AGBL3: variants seen among roughly 807,000 people sequenced by gnomAD.
AGBL3 encodes cytosolic carboxypeptidase 3.
A neutral mutation model predicts 94.5 loss-of-function variants in AGBL3; 68 were observed. That is an observed-to-expected ratio of 0.72 (90% confidence interval 0.59 to 0.88). AGBL3 has a LOEUF of 0.88. AGBL3 is among the 40% of genes least tolerant of loss of function. The pLI, the probability that AGBL3 is intolerant of heterozygous loss-of-function variation, is 0.00. For missense variants in AGBL3, 934 were observed against 1,103.8 expected, an observed-to-expected ratio of 0.85 and a Z score of 2.18; for synonymous variants, 354 against 370.7, an observed-to-expected ratio of 0.95 and a Z score of 0.52.
In AGBL3 at chr7:135,101,060, G is replaced by C. The variant is rs866865469; in HGVS notation, c.2111-14320G>C. The C allele has an allele frequency of 3.3e-5, 13 of 392,218 alleles. No homozygotes were observed. The Middle Eastern group carries it at 4.7e-3, about 142-fold the overall frequency. 24.3% of individuals were successfully genotyped at this position (392,218 alleles called of 1,614,324 possible). A position where few individuals can be genotyped will look rare whatever the true frequency, so the allele number is the denominator to read the frequency against. On this transcript the variant is annotated intron_variant, in intron 15 of 16. Transcript: ENST00000436302. ...TAGCTTACTGTTGACAATGAAATCAGAGGACCCAATTTTTTTCATCTCCCA... is the reference window on the plus strand; with the variant it reads ...TAGCTTACTGTTGACAATGAAATCACAGGACCCAATTTTTTTCATCTCCCA...
chr7:135,014,197 GAAAAAAAAAAAAAA>G (rs58580550), intron 4 of AGBL3, among the ~76,000 whole-genome samples: 1 of 65,528 alleles, frequency 1.5e-5, no homozygotes, highest in Non-Finnish European at 2.7e-5. Flanking sequence ...CTCTGTCTCT[GAAAAAAAAAAAAAA>G]AAAAAAAAAA....
intron 5 of AGBL3, among the ~76,000 whole-genome samples, chr7:135,021,293 CTT>C (rs1198934867): frequency 6.4e-5 from 9 of 140,862 alleles, no homozygotes; most frequent in Admixed American, 7.1e-5. Context: ...CATCATTTTA[CTT>C]TTTTTTTTTT....
intron 5 of AGBL3, among the ~76,000 whole-genome samples, chr7:135,018,648 T>C (rs1384374917): frequency 6.6e-6 from 1 of 152,214 alleles, no homozygotes; most frequent in African/African-American, 2.4e-5. Context: ...GTGTGAAAGA[T>C]TAATTGTAAA....
At chr7:135,125,742 A>G (rs1179840968) in intron 16 of AGBL3, among the ~76,000 whole-genome samples, 1 of 152,240 alleles carries the variant, frequency 6.6e-6, no homozygotes, top group African/African-American at 2.4e-5. Flanking sequence ...GGTTCAACAT[A>G]TGCAAATCAA....
chr7:135,078,316 G>C (rs1329387589), intron 13 of AGBL3, among the ~76,000 whole-genome samples: 1 of 152,162 alleles, frequency 6.6e-6, no homozygotes, highest in East Asian at 1.9e-4. Flanking sequence ...TAGTACTGCA[G>C]GGAGCAGAGA....
At chr7:135,097,529 A>C (rs1371352097) in intron 15 of AGBL3, among the ~76,000 whole-genome samples, 1 of 152,158 alleles carries the variant, frequency 6.6e-6, no homozygotes, top group Non-Finnish European at 1.5e-5. Context: ...AAATTTTGGC[A>C]TGTTTCATTC....
intron 2 of AGBL3, chr7:134,988,282 G>A (rs1226912142): frequency 3.6e-6 from 1 of 276,820 alleles, no homozygotes; most frequent in East Asian, 9.9e-5. Context: ...TAGGGTTTTA[G>A]TTTTAGGATT....
At chr7:135,028,176 T>G (rs1584882739) in intron 5 of AGBL3, among the ~76,000 whole-genome samples, 1 of 151,524 alleles carries the variant, frequency 6.6e-6, no homozygotes, top group Admixed American at 6.6e-5. Context: ...CTGATCAGGG[T>G]GGTGGTTGCT....
At chr7:135,125,411 A>C (rs1349089065) in intron 16 of AGBL3, among the ~76,000 whole-genome samples, 1 of 152,192 alleles carries the variant, frequency 6.6e-6, no homozygotes, top group Non-Finnish European at 1.5e-5. Context: ...TAGCCTACCA[A>C]GCAAAAAAAA....
chr7:135,024,941 G>T (rs1814927278), intron 5 of AGBL3, among the ~76,000 whole-genome samples: 1 of 151,438 alleles, frequency 6.6e-6, no homozygotes, highest in Admixed American at 6.6e-5. Context: ...TTTTTTTAAT[G>T]AACAAAACCT....
chr7:135,043,950 C>A, intron 8 of AGBL3, 75 bp from the exon 9 acceptor site: 1 of 1,479,074 alleles, frequency 6.8e-7, no homozygotes, highest in Non-Finnish European at 9.0e-7. Flanking sequence ...ACCACTTTAT[C>A]ATTTTTAATA....
At position 134,987,867 on chromosome 7, in the gene AGBL3, T is replaced by A; in HGVS notation, c.-59-8T>A. On this transcript the variant is annotated splice_polypyrimidine_tract_variant and splice_region_variant and intron_variant, in intron 1 of 16. Coordinates refer to ENST00000436302, the MANE Select transcript of AGBL3 (RefSeq NM_178563.4). ...TTGAAAAGAAAAGCTGTCATATAAT[T>A]TCCTTAGAAATTGTTTTACAGCCTA... 8.4e-7 allele frequency: 1 copy of A among 1,183,942 alleles called. No individual in the cohort carries two copies. The highest frequency in any genetic ancestry group is 1.2e-6 in the Non-Finnish European group (1 of 830,444). The allele number at this position is 1,183,942 out of a possible 1,614,324, so 73.3% of individuals were successfully genotyped here. A position where few individuals can be genotyped will look rare whatever the true frequency, so the allele number is the denominator to read the frequency against.
intron 12 of AGBL3, among the ~76,000 whole-genome samples, chr7:135,068,822 C>T (rs1386766791): frequency 6.6e-6 from 1 of 152,316 alleles, no homozygotes; most frequent in Non-Finnish European, 1.5e-5. Flanking sequence ...GAAGAAACTG[C>T]ATCAACTAAC....
chr7:135,126,234 T>C (rs925378530), intron 16 of AGBL3, among the ~76,000 whole-genome samples: 10 of 152,132 alleles, frequency 6.6e-5, no homozygotes, highest in Admixed American at 3.9e-4. Context: ...TCACAAGCAT[T>C]CCTTTACACC....
chr7:135,050,716 A>G (rs999609493), intron 11 of AGBL3, among the ~76,000 whole-genome samples: 2 of 152,048 alleles, frequency 1.3e-5, no homozygotes, highest in Non-Finnish European at 2.9e-5. Context: ...TTTATCTGAT[A>G]TAAGTATAGC....
chr7:135,019,395 G>A (rs1345517815), intron 5 of AGBL3, among the ~76,000 whole-genome samples: 1 of 151,918 alleles, frequency 6.6e-6, no homozygotes, highest in Non-Finnish European at 1.5e-5. Flanking sequence ...AGTGCATTTT[G>A]CATCCTGCCT....
At chr7:135,070,626 A>G (rs1308913989) in intron 12 of AGBL3, among the ~76,000 whole-genome samples, 2 of 152,198 alleles carry the variant, frequency 1.3e-5, no homozygotes, top group Non-Finnish European at 2.9e-5. Context: ...GACAAAAACC[A>G]TATGATTATC....
At chr7:135,120,735 A>G (rs4732097) in intron 16 of AGBL3, among the ~76,000 whole-genome samples, 8,280 of 152,334 alleles carry the variant, frequency 0.054, 300 homozygotes, top group Middle Eastern at 0.18. Context: ...GGCTGAAAGT[A>G]AAAGGATGGA....
At chr7:135,053,383 G>A (rs375957063) in intron 11 of AGBL3, among the ~76,000 whole-genome samples, 22 of 152,258 alleles carry the variant, frequency 1.4e-4, no homozygotes, top group East Asian at 1.4e-3. Flanking sequence ...TGAGGTAGGC[G>A]TATCACCTGA....
Sources: gnomAD v4.1 joint callset for allele counts (sites outside exome capture counted in the v4.1 genomes callset) on GRCh38, gnomAD v4.1.1 for gene constraint, MANE v1.5 for transcripts, NCBI Gene and HGNC (gene_info 2026-07-23, HGNC 2026-07-21) for gene names.